The following CSMD1 variants were observed in gnomAD, a reference collection of about 807,000 sequenced individuals.
The protein encoded by CSMD1 is CUB and Sushi multiple domains 1, also known as CUB and sushi domain-containing protein 1.
Under a neutral mutation model 417.5 loss-of-function variants are expected in CSMD1, and 213 were observed. The observed-to-expected ratio is 0.51, with a 90% CI of 0.46 to 0.57. The LOEUF (loss-of-function observed/expected upper bound fraction) is 0.57. CSMD1 is among the 20% of genes least tolerant of loss of function. The probability of loss-of-function intolerance (pLI) is 0.00; values close to 1 mark genes in which losing one functional copy is unlikely to be tolerated. For synonymous variants in CSMD1, 2,862 were observed against 1,736.8 expected, an observed-to-expected ratio of 1.65 and a Z score of -16.11; for missense variants, 6,923 against 4,529.7, an observed-to-expected ratio of 1.53 and a Z score of -15.17.
At chr8:3,133,453 T>C (rs1241713064) in intron 41 of CSMD1, among the ~76,000 whole-genome samples, 1 of 152,172 alleles carries the variant, frequency 6.6e-6, no homozygotes. Flanking sequence ...GGGGGTGCCT[T>C]GGCCTCAGGG....
intron 3 of CSMD1, among the ~76,000 whole-genome samples, chr8:4,072,294 A>C (rs1210891276): frequency 6.6e-6 from 1 of 152,210 alleles, no homozygotes; most frequent in Non-Finnish European, 1.5e-5. Flanking sequence ...TTTACAAAAA[A>C]ATACCTTCCT....
chr8:4,917,156 T>A (rs1345494708), intron 1 of CSMD1, among the ~76,000 whole-genome samples: 3 of 152,160 alleles, frequency 2.0e-5, no homozygotes, highest in East Asian at 3.9e-4. Flanking sequence ...CATGTCCTAC[T>A]TGGCTGGAGC....
At chr8:4,253,358 T>C (rs1315832869) in intron 3 of CSMD1, among the ~76,000 whole-genome samples, 1 of 150,906 alleles carries the variant, frequency 6.6e-6, no homozygotes, top group East Asian at 2.0e-4. Flanking sequence ...TATATTATAA[T>C]TACGCATTTA....
At chr8:3,860,758 T>G (rs550282566) in intron 5 of CSMD1, among the ~76,000 whole-genome samples, 25 of 152,242 alleles carry the variant, frequency 1.6e-4, no homozygotes, top group African/African-American at 5.5e-4. Context: ...CAGGTAAGTT[T>G]GAAGGGAGAG....
At position 3,452,861 on chromosome 8, in the gene CSMD1, T is replaced by C. The variant is rs57059601; in HGVS notation, c.1561+15851A>G. Among the ~76,000 whole-genome samples, 998 of 152,356 alleles carry C rather than the reference T, an allele frequency of 6.6e-3. 16 individuals carry two copies. Among genetic ancestry groups the C allele is most frequent in the African/African-American group, 0.022 (913 of 41,586 alleles). Reference sequence around the variant, plus strand: ...TGAGTTAGGGAGGATTCCCTCTTTTTCTATTGATTGGAATAGTTTCAGAAG... The same window carrying C: ...TGAGTTAGGGAGGATTCCCTCTTTTCCTATTGATTGGAATAGTTTCAGAAG... On this transcript the variant is annotated intron_variant, in intron 12 of 69. Transcript: ENST00000635120.
chr8:4,381,436 G>C (rs1803098364), intron 3 of CSMD1, among the ~76,000 whole-genome samples: 1 of 152,164 alleles, frequency 6.6e-6, no homozygotes, highest in African/African-American at 2.4e-5. Context: ...CCATTGAAAA[G>C]GGGGTGGGGG....
chr8:3,821,084 T>TGG (rs1801710938), intron 5 of CSMD1, among the ~76,000 whole-genome samples: 1 of 151,644 alleles, frequency 6.6e-6, no homozygotes, highest in Admixed American at 6.6e-5. Flanking sequence ...ACCTGGTTAC[T>TGG]TTTTTGTATT....
chr8:4,850,577 G>C (rs1157850767), intron 1 of CSMD1, among the ~76,000 whole-genome samples: 1 of 151,974 alleles, frequency 6.6e-6, no homozygotes, highest in East Asian at 1.9e-4. Flanking sequence ...CTTCAGCGAA[G>C]TAGAAATCCT....
At chr8:3,822,400 A>T (rs1269446945) in intron 5 of CSMD1, among the ~76,000 whole-genome samples, 2 of 152,188 alleles carry the variant, frequency 1.3e-5, no homozygotes, top group Non-Finnish European at 2.9e-5. Flanking sequence ...AGAGTCTGAA[A>T]CCTTGGGCAT....
rs555290747 is a variant in CSMD1, at chr8:4,138,216, T to C, written c.416-106117A>G. Reference sequence around the variant, plus strand: ...AGGCGCAGCCTTACATTTTTTTTTTTTTTTTTTTTCAGGTCTCTAACTGAT... The same window carrying C: ...AGGCGCAGCCTTACATTTTTTTTTTCTTTTTTTTTCAGGTCTCTAACTGAT... On this transcript the variant is annotated intron_variant, in intron 3 of 69. Transcript: ENST00000635120. 1.7e-4 allele frequency among the ~76,000 whole-genome samples: 25 copies of C among 150,588 alleles called. 6 individuals are homozygous for C. Among genetic ancestry groups the C allele is most frequent in the Admixed American group, 8.6e-4 (13 of 15,164 alleles).
At position 4,307,658 on chromosome 8, in the gene CSMD1, T is replaced by C. The variant is rs150540529; in HGVS notation, c.415+112295A>G. ...TTTGCATCTCAAGGACGATGGGAAA[T>C]GGGTTAAAATACAAATTTGTTGGTG... On this transcript the variant is annotated intron_variant, in intron 3 of 69. Transcript: ENST00000635120. Among the ~76,000 whole-genome samples the C allele has an allele frequency of 3.7e-3, 561 of 152,128 alleles. 2 individuals are homozygous for C. The highest frequency in any genetic ancestry group is 0.013 in the African/African-American group (526 of 41,512).
intron 10 of CSMD1, among the ~76,000 whole-genome samples, chr8:3,556,415 TCACA>T (rs1324297977): frequency 3.5e-5 from 2 of 57,124 alleles, no homozygotes; most frequent in Non-Finnish European, 8.4e-5. Context: ...ATATATATAT[TCACA>T]CACACAAAGA....
chr8:4,715,505 G>A (rs959903038), intron 1 of CSMD1, among the ~76,000 whole-genome samples: 1 of 151,986 alleles, frequency 6.6e-6, no homozygotes, highest in South Asian at 2.1e-4. Context: ...CCTCAAATCT[G>A]TATCTCCAGA....
chr8:3,578,959 G>A (rs369025506), intron 9 of CSMD1, among the ~76,000 whole-genome samples: 1 of 152,208 alleles, frequency 6.6e-6, no homozygotes, highest in Non-Finnish European at 1.5e-5. Flanking sequence ...ACAAACTATA[G>A]TAGAATGCCT....
chr8:4,541,424 G>C (rs1011297344), intron 2 of CSMD1, among the ~76,000 whole-genome samples: 1 of 152,148 alleles, frequency 6.6e-6, no homozygotes, highest in African/African-American at 2.4e-5. Flanking sequence ...GCACTTCTAA[G>C]TGGGCTCCAC....
At chr8:3,055,521 A>T (rs2199277) in intron 49 of CSMD1, among the ~76,000 whole-genome samples, 1 of 152,018 alleles carries the variant, frequency 6.6e-6, no homozygotes, top group African/African-American at 2.4e-5. Flanking sequence ...GCTCAAGTTT[A>T]GTATTCATTC....
intron 2 of CSMD1, among the ~76,000 whole-genome samples, chr8:4,435,671 A>G (rs1324327452): frequency 6.6e-6 from 1 of 152,178 alleles, no homozygotes; most frequent in African/African-American, 2.4e-5. Flanking sequence ...CTGTGAGGTC[A>G]CCCGAGTTGT....
At chr8:4,789,775 A>G (rs929933345) in intron 1 of CSMD1, among the ~76,000 whole-genome samples, 2 of 152,212 alleles carry the variant, frequency 1.3e-5, no homozygotes, top group African/African-American at 4.8e-5. Flanking sequence ...TTAAGTTATC[A>G]CTGTGTAATT....
intron 49 of CSMD1, among the ~76,000 whole-genome samples, chr8:3,069,852 G>T (rs1813206082): frequency 6.6e-6 from 1 of 152,216 alleles, no homozygotes; most frequent in Admixed American, 6.5e-5. Context: ...CTCTGCACCT[G>T]CAACAGGCTT....
Sources: gnomAD v4.1 joint callset for allele counts (sites outside exome capture counted in the v4.1 genomes callset) on GRCh38, gnomAD v4.1.1 for gene constraint, MANE v1.5 for transcripts, NCBI Gene and HGNC (gene_info 2026-07-23, HGNC 2026-07-21) for gene names.